LEPR: variants seen among roughly 807,000 people sequenced by gnomAD.
The protein encoded by LEPR is leptin receptor.
LEPR carries 56 observed loss-of-function variants against 114.7 expected under a neutral mutation model. The observed-to-expected ratio is 0.49, with a 90% CI of 0.39 to 0.61. The LOEUF (loss-of-function observed/expected upper bound fraction) is 0.61, where lower values mean the gene tolerates loss of function less well. Among genes scored for constraint, LEPR ranks in the 20% least tolerant of loss-of-function variants. The probability of loss-of-function intolerance (pLI) is 0.00; values close to 1 mark genes in which losing one functional copy is unlikely to be tolerated. For missense variants in LEPR, 1,202 were observed against 1,352.9 expected (o/e 0.89, Z 1.75); for synonymous variants, 443 against 461.4 (o/e 0.96, Z 0.51).
At chr1:65,584,167 G>T (rs558881329) in intron 5 of LEPR, among the ~76,000 whole-genome samples, 3 of 151,782 alleles carry the variant, frequency 2.0e-5, no homozygotes, top group African/African-American at 7.3e-5. Flanking sequence ...TACTGAAATC[G>T]TCTTTCTTTC....
chr1:65,528,542 T>C (rs1396148016), intron 2 of LEPR, among the ~76,000 whole-genome samples: 3 of 152,006 alleles, frequency 2.0e-5, no homozygotes, highest in African/African-American at 7.2e-5. Context: ...ATCTTATTAA[T>C]ATTTAAAATA....
Position 65,601,646 on chromosome 1 carries a change from G to A in LEPR, c.1249G>A (p.Glu417Lys). 1 of 1,613,654 alleles carries A rather than the reference G, an allele frequency of 6.2e-7. No individual in the cohort carries two copies. The change falls in exon 9 of 20, where the codon GAA becomes AAA. Residue 417 changes from glutamate (E) to lysine (K), a missense_variant. Physicochemically the swap from Glu to Lys is moderately conservative, Grantham distance 56. Coordinates refer to ENST00000349533, the MANE Select transcript of LEPR (RefSeq NM_002303.6). ...TGCAGTGTACTGCTGCAATGAACAT[G>A]AATGCCATCATCGCTATGCTGAATT... The part of the protein sequence containing the change: ...YDAVYCCNEH[E>K]CHHRYAELYV...
intron 3 of LEPR, among the ~76,000 whole-genome samples, chr1:65,567,649 C>CTATG (rs943522083): frequency 6.6e-6 from 1 of 151,914 alleles, no homozygotes; most frequent in African/African-American, 2.4e-5. Context: ...CAGTCATTAC[C>CTATG]TATGTATTGT....
chr1:65,503,256 C>T (rs1648549772), intron 2 of LEPR, among the ~76,000 whole-genome samples: 1 of 152,072 alleles, frequency 6.6e-6, no homozygotes, highest in East Asian at 1.9e-4. Flanking sequence ...ATGCATTTAT[C>T]AAAACCCATA....
At chr1:65,478,611 C>A (rs1449853122) in intron 2 of LEPR, among the ~76,000 whole-genome samples, 2 of 152,156 alleles carry the variant, frequency 1.3e-5, no homozygotes, top group African/African-American at 4.8e-5. Context: ...AAGGAAGAAA[C>A]TTGATCTTAG....
chr1:65,433,009 C>G (rs1161553084), intron 2 of LEPR: 35 of 985,286 alleles, frequency 3.6e-5, no homozygotes, highest in Non-Finnish European at 4.0e-5. Context: ...TGTATCTTTT[C>G]ATCTGAAAGA....
At chr1:65,547,376 G>A (rs1466912344) in intron 2 of LEPR, among the ~76,000 whole-genome samples, 6 of 152,168 alleles carry the variant, frequency 3.9e-5, no homozygotes, top group Non-Finnish European at 7.3e-5. Context: ...TGTTTCAGAA[G>A]GAATGGTACC....
At chr1:65,467,129 CA>C (rs1647024474) in intron 2 of LEPR, among the ~76,000 whole-genome samples, 1 of 152,132 alleles carries the variant, frequency 6.6e-6, no homozygotes. Flanking sequence ...TTGGAATTTT[CA>C]GCTTTTCTGC....
intron 5 of LEPR, among the ~76,000 whole-genome samples, chr1:65,585,992 T>G (rs994228114): frequency 6.6e-6 from 1 of 152,026 alleles, no homozygotes; most frequent in African/African-American, 2.4e-5. Flanking sequence ...TTTGAAGTAA[T>G]TATATAATTC....
At chr1:65,592,352 A>T (rs944079215) in intron 5 of LEPR, among the ~76,000 whole-genome samples, 3 of 150,532 alleles carry the variant, frequency 2.0e-5, no homozygotes, top group Non-Finnish European at 4.4e-5. Flanking sequence ...TGAAAAAAAA[A>T]GCCTTTATTT....
chr1:65,591,726 C>T (rs1417889431), intron 5 of LEPR, among the ~76,000 whole-genome samples: 1 of 151,812 alleles, frequency 6.6e-6, no homozygotes, highest in East Asian at 1.9e-4. Context: ...AAATTGATTT[C>T]TTGTAGGTTG....
chr1:65,548,925 A>T (rs1173284227), intron 2 of LEPR, among the ~76,000 whole-genome samples: 1 of 152,210 alleles, frequency 6.6e-6, no homozygotes, highest in Non-Finnish European at 1.5e-5. Context: ...ACAATTTGGC[A>T]TGATTTTGCA....
intron 12 of LEPR, among the ~76,000 whole-genome samples, chr1:65,609,604 G>C (rs531170288): frequency 6.6e-6 from 1 of 152,188 alleles, no homozygotes; most frequent in Non-Finnish European, 1.5e-5. Context: ...TAACCAATAC[G>C]TTTAAATTCT....
At chr1:65,530,841 AG>A (rs1218744173) in intron 2 of LEPR, among the ~76,000 whole-genome samples, 1 of 152,068 alleles carries the variant, frequency 6.6e-6, no homozygotes, top group Admixed American at 6.5e-5. Flanking sequence ...CTCAAGATGG[AG>A]TTGCTCTGGT....
At chr1:65,600,946 T>C (rs913620475) in intron 8 of LEPR, among the ~76,000 whole-genome samples, 1 of 152,026 alleles carries the variant, frequency 6.6e-6, no homozygotes, top group African/African-American at 2.4e-5. Flanking sequence ...AACAAGACAA[T>C]AGCGGCAATC....
At chr1:65,623,009 G>C in intron 19 of LEPR, 28 bp downstream of exon 19, 1 of 1,605,370 alleles carries the variant, frequency 6.2e-7, no homozygotes, top group Non-Finnish European at 8.5e-7. Flanking sequence ...TTTTAACCCA[G>C]AATATATACG....
At chr1:65,547,775 T>G (rs1394827206) in intron 2 of LEPR, among the ~76,000 whole-genome samples, 1 of 119,510 alleles carries the variant, frequency 8.4e-6, no homozygotes, top group Admixed American at 8.9e-5. Context: ...GATTCATTAA[T>G]TTTTTGAAGG....
intron 8 of LEPR, among the ~76,000 whole-genome samples, chr1:65,599,783 C>A (rs929887531): frequency 6.6e-6 from 1 of 151,954 alleles, no homozygotes; most frequent in African/African-American, 2.4e-5. Context: ...TTATTGTTTT[C>A]TTATTCTGCA....
rs375039778 is a variant in LEPR at position 65,554,758 on chromosome 1, GA to G, written c.-20-10778del. Among the ~76,000 whole-genome samples the G allele has an allele frequency of 2.1e-3, 315 of 148,766 alleles. 2 individuals are homozygous for G. Among genetic ancestry groups the G allele is most frequent in the Admixed American group, 7.6e-3 (113 of 14,956 alleles). ...GGCATTCCAGGCACTGCTGGGGTAT[GA>G]AAAAAAAAACTCCTGCAACTAGTTT... On this transcript the variant is annotated intron_variant, in intron 2 of 19. Transcript: ENST00000349533.
Sources: allele counts gnomAD v4.1 joint callset (sites outside exome capture counted in the v4.1 genomes callset), GRCh38; gene constraint gnomAD v4.1.1; transcripts MANE v1.5; gene names NCBI Gene and HGNC (gene_info 2026-07-23, HGNC 2026-07-21).